Variants in ERCC6 observed in about 807,000 individuals in gnomAD.
The protein encoded by ERCC6 is ERCC excision repair 6, chromatin remodeling factor.
ERCC6 carries 116 observed loss-of-function variants against 158.7 expected under a neutral mutation model. That is an observed-to-expected ratio of 0.73 (90% CI 0.63 to 0.85). ERCC6 has a LOEUF of 0.85. Among genes scored for constraint, ERCC6 ranks in the 40% least tolerant of loss-of-function variants. The probability of loss-of-function intolerance (pLI) is 0.00; values close to 1 mark genes in which losing one functional copy is unlikely to be tolerated. For synonymous variants in ERCC6, 678 were observed against 659.3 expected (o/e 1.03, Z -0.43); for missense variants, 1,698 against 1,799.4 (o/e 0.94, Z 1.02).
Position 49,532,708 on chromosome 10 carries a change from C to A in ERCC6, c.257G>T (p.Ser86Ile). 1 of 1,614,220 alleles carries A rather than the reference C, an allele frequency of 6.2e-7. No individual in the cohort carries two copies. Among genetic ancestry groups the A allele is most frequent in the Non-Finnish European group, 8.5e-7 (1 of 1,180,038 alleles). The stretch of plus-strand genomic sequence containing the variant: ...ACCCTGCAGCTCAAGGGCCTGGGCG[C>A]TAGGCTCTACTGCCTGGATCTGATG... ...DRHQIQAVEP[S>I]AQALELQGLG... The change falls in exon 2 of 21, where the codon AGC (serine) becomes ATC (isoleucine). Residue 86 changes from serine to isoleucine, a missense_variant. Physicochemically the swap from Ser to Ile is moderately radical, Grantham distance 142 (BLOSUM62 -2). Transcript: ENST00000355832.
intron 1 of ERCC6, among the ~76,000 whole-genome samples, chr10:49,533,356 T>TA (rs1262029380): frequency 1.3e-5 from 2 of 152,162 alleles, no homozygotes; most frequent in Non-Finnish European, 2.9e-5. Flanking sequence ...TGATTTATAA[T>TA]ATAGTGGCAA....
the ERCC6 span, among the ~76,000 whole-genome samples, chr10:49,437,778 G>A: frequency 2.6e-5 from 4 of 152,096 alleles, no homozygotes; most frequent in Non-Finnish European, 1.5e-5. Flanking sequence ...AGACTAATAA[G>A]AGAGACAAAC....
At chr10:49,528,368 A>G in intron 4 of ERCC6, 49 bp downstream of exon 4, 1 of 1,598,668 alleles carries the variant, frequency 6.3e-7, no homozygotes, top group Non-Finnish European at 8.6e-7. Flanking sequence ...GACTACAGGC[A>G]TCAGGCATCA....
At chr10:49,502,025 A>T (rs1851364221) in intron 6 of ERCC6, 1 of 152,134 alleles carries the variant, frequency 6.6e-6, no homozygotes, top group Non-Finnish European at 1.5e-5. Flanking sequence ...ATCAAGGCTG[A>T]TGGGCTACCC....
rs1373194839 is a variant in ERCC6, at chr10:49,454,875, C to T, written c.*3940G>A. On this transcript the variant is annotated 3_prime_UTR_variant, in exon 21 of 21. Coordinates refer to ENST00000355832, the MANE Select transcript of ERCC6 (RefSeq NM_000124.4). ...TTTAACAGAATGCAGAGCCAAGAAA[C>T]ATTTCCGTACATTATATGTAAATTG... Among the ~76,000 whole-genome samples, 2 of 152,244 alleles carry T rather than the reference C, an allele frequency of 1.3e-5. No homozygotes were observed. The highest frequency in any genetic ancestry group is 3.4e-3 in the Middle Eastern group (1 of 294).
At position 49,516,600 on chromosome 10, in the gene ERCC6, T is replaced by C. The variant is rs1267325835; in HGVS notation, c.1397+7433A>G. ...GAATTCAGAGCTAGTCAAGCCAAGA[T>C]GTACACCTTTACTGCAAGCATATAA... On this transcript the variant is annotated intron_variant, in intron 5 of 20. Transcript: ENST00000355832. The C allele has an allele frequency of 6.2e-6, 10 of 1,614,048 alleles. No homozygotes were observed. Among genetic ancestry groups the C allele is most frequent in the Admixed American group, 1.7e-5 (1 of 60,004 alleles).
At position 49,457,499 on chromosome 10, in the gene ERCC6, C is replaced by A. The variant is rs1240517807; in HGVS notation, c.*1316G>T. The A allele has an allele frequency of 1.3e-5, 2 of 152,192 alleles. No individual in the cohort carries two copies. The highest frequency in any genetic ancestry group is 2.9e-5 in the Non-Finnish European group (2 of 68,070). 9.4% of individuals were successfully genotyped at this position (152,192 alleles called of 1,614,324 possible). The stretch of plus-strand genomic sequence containing the variant: ...TCCGGCAAGGCCCCCCTGCCCAGAA[C>A]CCTCCTCTCTGAGTCACATGGATGA... On this transcript the variant is annotated 3_prime_UTR_variant, in exon 21 of 21. Transcript: ENST00000355832.
chr10:49,506,930 T>C (rs189383381), intron 5 of ERCC6, among the ~76,000 whole-genome samples: 16 of 151,566 alleles, frequency 1.1e-4, no homozygotes, highest in African/African-American at 3.9e-4. Context: ...AAAACAATAA[T>C]ACAGAGAAAT....
At chr10:49,490,430 C>G (rs1330887369) in intron 8 of ERCC6, among the ~76,000 whole-genome samples, 1 of 150,836 alleles carries the variant, frequency 6.6e-6, no homozygotes, top group Non-Finnish European at 1.5e-5. Context: ...TCCAGGCTCA[C>G]TGCAACCTCC....
At chr10:49,529,462 A>T (rs1233422957) in intron 3 of ERCC6, among the ~76,000 whole-genome samples, 1 of 152,172 alleles carries the variant, frequency 6.6e-6, no homozygotes, top group Admixed American at 6.5e-5. Flanking sequence ...AGCCCACTAG[A>T]AGCCCAAGAA....
chr10:49,515,162 CAT>C, intron 5 of ERCC6: 6 of 1,314,750 alleles, frequency 4.6e-6, no homozygotes, highest in Non-Finnish European at 5.8e-6. Context: ...GCATGAAATT[CAT>C]ATATGTTACC....
the ERCC6 span, among the ~76,000 whole-genome samples, chr10:49,447,551 C>A: frequency 5.3e-5 from 8 of 152,040 alleles, no homozygotes; most frequent in Non-Finnish European, 1.0e-4. Context: ...ATTAGCCGGG[C>A]ATAGTGGCGG....
chr10:49,444,720 A>G, the ERCC6 span, among the ~76,000 whole-genome samples: 1 of 152,348 alleles, frequency 6.6e-6, no homozygotes, highest in South Asian at 2.1e-4. Context: ...TGAAATGTGC[A>G]TGTAATTCCT....
chr10:49,509,840 CTCTAT>C (rs1564433578), intron 5 of ERCC6, among the ~76,000 whole-genome samples: 4 of 152,122 alleles, frequency 2.6e-5, no homozygotes, highest in African/African-American at 9.7e-5. Flanking sequence ...TTTTCATGTT[CTCTAT>C]TCTCTCATTT....
intron 18 of ERCC6, among the ~76,000 whole-genome samples, chr10:49,462,684 C>T (rs924159398): frequency 5.3e-5 from 8 of 151,952 alleles, no homozygotes; most frequent in Non-Finnish European, 8.8e-5. Flanking sequence ...CAGACAAGTT[C>T]ACAGAAAGAA....
In ERCC6 at chr10:49,476,198, T is replaced by A; in HGVS notation, c.2382+17A>T. The A allele has an allele frequency of 4.5e-6, 7 of 1,559,490 alleles. No homozygotes were observed. The highest frequency in any genetic ancestry group is 6.2e-6 in the Non-Finnish European group (7 of 1,130,414). Reference sequence around the variant, plus strand: ...TGGTCCACAATTCATTTCTCCAGCTTCTATTTTTTAGCTGACCTGCATCTC... The same window carrying A: ...TGGTCCACAATTCATTTCTCCAGCTACTATTTTTTAGCTGACCTGCATCTC... On this transcript the variant is annotated intron_variant, in intron 12 of 20. Transcript: ENST00000355832.
At chr10:49,484,062 T>C (rs188842893) in intron 8 of ERCC6, among the ~76,000 whole-genome samples, 58 of 151,842 alleles carry the variant, frequency 3.8e-4, no homozygotes, top group African/African-American at 1.2e-3. Context: ...GTGGATTGCT[T>C]GAGCCCAGGA....
chr10:49,483,563 C>CA, intron 8 of ERCC6, 47 bp from the exon 9 acceptor site: 2 of 1,570,490 alleles, frequency 1.3e-6, no homozygotes, highest in Non-Finnish European at 1.8e-6. Flanking sequence ...TAAGAAGTGA[C>CA]ACCCTTTCAA....
At chr10:49,463,590 AAC>A (rs1850621483) in intron 18 of ERCC6, among the ~76,000 whole-genome samples, 1 of 152,208 alleles carries the variant, frequency 6.6e-6, no homozygotes, top group Non-Finnish European at 1.5e-5. Context: ...CTACAAAAGA[AAC>A]ATATAGTTCA....
Sources: allele counts gnomAD v4.1 joint callset (sites outside exome capture counted in the v4.1 genomes callset), GRCh38; gene constraint gnomAD v4.1.1; transcripts MANE v1.5; gene names NCBI Gene and HGNC (gene_info 2026-07-23, HGNC 2026-07-21).